Variants in AUTS2 observed in about 807,000 individuals in gnomAD.
The protein encoded by AUTS2 is activator of transcription and developmental regulator AUTS2.
AUTS2 carries 17 observed loss-of-function variants against 112.4 expected under a neutral mutation model. That is an observed-to-expected ratio of 0.15 (90% CI 0.10 to 0.23). AUTS2 has a LOEUF of 0.23. Among genes scored for constraint, AUTS2 ranks in the 10% least tolerant of loss-of-function variants. AUTS2 has a pLI of 1.00. For synonymous variants in AUTS2, 751 were observed against 702.7 expected, an observed-to-expected ratio of 1.07 and a Z score of -1.09; for missense variants, 1,510 against 1,701.6, an observed-to-expected ratio of 0.89 and a Z score of 1.98.
intron 1 of AUTS2, among the ~76,000 whole-genome samples, chr7:69,660,413 C>T (rs1047603664): frequency 6.6e-6 from 1 of 152,034 alleles, no homozygotes; most frequent in Non-Finnish European, 1.5e-5. Flanking sequence ...CCTTTTTAGA[C>T]TTCATGGTGA....
At chr7:70,044,974 G>A (rs551626184) in intron 2 of AUTS2, among the ~76,000 whole-genome samples, 1 of 149,134 alleles carries the variant, frequency 6.7e-6, no homozygotes, top group East Asian at 2.0e-4. Flanking sequence ...CGAACCTTAT[G>A]TTTGGCCCTA....
intron 5 of AUTS2, among the ~76,000 whole-genome samples, chr7:70,465,047 TC>T (rs1488147644): frequency 6.6e-6 from 1 of 151,986 alleles, no homozygotes; most frequent in African/African-American, 2.4e-5. Flanking sequence ...GAAGAGAAAA[TC>T]AAGAAAGTAC....
At chr7:70,744,173 T>C (rs561271232) in intron 6 of AUTS2, among the ~76,000 whole-genome samples, 8 of 152,272 alleles carry the variant, frequency 5.3e-5, no homozygotes, top group Admixed American at 2.6e-4. Context: ...ACTGCAATCG[T>C]TTGTCCAAGT....
intron 5 of AUTS2, among the ~76,000 whole-genome samples, chr7:70,494,456 A>C (rs1585213277): frequency 1.3e-5 from 2 of 152,192 alleles, no homozygotes; most frequent in South Asian, 4.1e-4. Flanking sequence ...AAAATGCCAG[A>C]ATGTAAGTGC....
chr7:70,783,928 TTC>T (rs1336800333), intron 15 of AUTS2: 1 of 152,240 alleles, frequency 6.6e-6, no homozygotes, highest in African/African-American at 2.4e-5. Flanking sequence ...CACACTCTCT[TTC>T]TCTGTCTCCT....
chr7:70,507,008 A>G (rs890110243), intron 5 of AUTS2, among the ~76,000 whole-genome samples: 1 of 152,232 alleles, frequency 6.6e-6, no homozygotes, highest in African/African-American at 2.4e-5. Flanking sequence ...TCTCCAAGAC[A>G]GGGACCACTG....
At chr7:69,981,643 A>T (rs992408879) in intron 2 of AUTS2, among the ~76,000 whole-genome samples, 3 of 152,170 alleles carry the variant, frequency 2.0e-5, no homozygotes, top group Non-Finnish European at 2.9e-5. Context: ...AAGAGTCTTG[A>T]GTTCATTCTG....
chr7:70,367,817 G>A (rs1444890131), intron 4 of AUTS2, among the ~76,000 whole-genome samples: 2 of 152,166 alleles, frequency 1.3e-5, no homozygotes, highest in Non-Finnish European at 2.9e-5. Context: ...CACTGGCTTT[G>A]CTAGCTATTA....
intron 5 of AUTS2, among the ~76,000 whole-genome samples, chr7:70,455,200 A>G (rs1796685958): frequency 6.6e-6 from 1 of 152,078 alleles, no homozygotes; most frequent in Non-Finnish European, 1.5e-5. Context: ...ATGTCAGGGG[A>G]ATTGTGGGTA....
chr7:69,739,184 T>C (rs1438840296), intron 1 of AUTS2, among the ~76,000 whole-genome samples: 1 of 152,192 alleles, frequency 6.6e-6, no homozygotes, highest in African/African-American at 2.4e-5. Flanking sequence ...GAAAACCTTA[T>C]CTTGCTAATA....
chr7:70,683,907 A>G (rs1268943753), intron 5 of AUTS2, among the ~76,000 whole-genome samples: 1 of 152,216 alleles, frequency 6.6e-6, no homozygotes, highest in Non-Finnish European at 1.5e-5. Context: ...AGAGACAGAG[A>G]GAAAAACTAA....
rs770551288 is a variant in AUTS2 at position 69,925,959 on chromosome 7, TG to T, written c.522+26464del. Among the ~76,000 whole-genome samples, 9 of 152,208 alleles carry T rather than the reference TG, an allele frequency of 5.9e-5. No individual in the cohort carries two copies. The East Asian group carries it at 1.2e-3, about 20-fold the overall frequency. On this transcript the variant is annotated intron_variant, in intron 2 of 18. Transcript: ENST00000342771. Reference sequence around the variant, plus strand: ...CTTGAGCTAGTAGCTGAGTTTAGCCTGGGCAACATAGTGAGACCTTGTCTCT... The same window carrying T: ...CTTGAGCTAGTAGCTGAGTTTAGCCTGGCAACATAGTGAGACCTTGTCTCT...
Position 69,823,929 on chromosome 7 carries a change from C to A in AUTS2, c.310-75357C>A, listed in dbSNP as rs567576004. ...GAATTCTGTATTCCGAAGAGACAGC[C>A]GGACTTGAAACTCTAGAGGTATGAT... On this transcript the variant is annotated intron_variant, in intron 1 of 18. Transcript: ENST00000342771. Among the ~76,000 whole-genome samples the A allele has an allele frequency of 6.6e-5, 10 of 152,170 alleles. No homozygotes were observed. The East Asian group carries it at 1.9e-3, about 29-fold the overall frequency.
intron 1 of AUTS2, among the ~76,000 whole-genome samples, chr7:69,631,860 A>G (rs1202146797): frequency 6.6e-6 from 1 of 152,216 alleles, no homozygotes; most frequent in Non-Finnish European, 1.5e-5. Context: ...TTGTATGTAT[A>G]ATGTTCTTAT....
chr7:70,119,031 C>T (rs1805544192), intron 3 of AUTS2: 1 of 150,200 alleles, frequency 6.7e-6, no homozygotes. Context: ...CACTCTGTCG[C>T]CAGGCTGGAA....
intron 5 of AUTS2, among the ~76,000 whole-genome samples, chr7:70,511,293 A>G (rs1799173929): frequency 6.6e-6 from 1 of 152,206 alleles, no homozygotes. Flanking sequence ...TCAGATTTCC[A>G]GACGAAATCC....
At chr7:69,641,909 T>G (rs1050932244) in intron 1 of AUTS2, among the ~76,000 whole-genome samples, 5 of 152,240 alleles carry the variant, frequency 3.3e-5, no homozygotes, top group African/African-American at 1.2e-4. Context: ...CATTTCCCTT[T>G]AAAGTATTTG....
intron 4 of AUTS2, among the ~76,000 whole-genome samples, chr7:70,158,740 G>GA (rs879582219): frequency 3.4e-4 from 51 of 148,600 alleles, no homozygotes; most frequent in East Asian, 7.9e-4. Flanking sequence ...ACTCTTTCAG[G>GA]AAAAAAAAAA....
intron 4 of AUTS2, among the ~76,000 whole-genome samples, chr7:70,178,689 G>C (rs1171825649): frequency 1.3e-5 from 2 of 152,012 alleles, no homozygotes; most frequent in African/African-American, 4.8e-5. Flanking sequence ...AGTTTCAGCT[G>C]TTCAGGAGGC....
Sources: allele counts gnomAD v4.1 joint callset (sites outside exome capture counted in the v4.1 genomes callset), GRCh38; gene constraint gnomAD v4.1.1; transcripts MANE v1.5; gene names NCBI Gene and HGNC (gene_info 2026-07-23, HGNC 2026-07-21).